The following RNF115 variants were observed in gnomAD, a reference collection of about 807,000 sequenced individuals.
The protein encoded by RNF115 is ring finger protein 115, also known as E3 ubiquitin-protein ligase RNF115.
RNF115 carries 31 observed loss-of-function variants against 39.2 expected under a neutral mutation model. That is an observed-to-expected ratio of 0.79 (90% confidence interval 0.59 to 1.07). RNF115 has a LOEUF of 1.07. Ranked by LOEUF, RNF115 falls within the 50% of genes least tolerant of loss-of-function variation. The pLI is 0.00. For missense variants in RNF115, 384 were observed against 381.7 expected (o/e 1.01, Z -0.05); for synonymous variants, 124 against 131.0 (o/e 0.95, Z 0.37).
At chr1:145,767,008 T>G (rs1182385145) in intron 4 of RNF115, among the ~76,000 whole-genome samples, 1 of 96,980 alleles carries the variant, frequency 1.0e-5, no homozygotes, top group Admixed American at 9.5e-5. Flanking sequence ...CACTTCCCAG[T>G]AGGGGTGGCC....
At chr1:145,789,504 T>G (rs1648556784) in intron 1 of RNF115, among the ~76,000 whole-genome samples, 1 of 152,004 alleles carries the variant, frequency 6.6e-6, no homozygotes, top group South Asian at 2.1e-4. Context: ...GTTCAAATGA[T>G]TCTCCTGCCT....
At chr1:145,790,376 G>T (rs1489934841) in intron 1 of RNF115, among the ~76,000 whole-genome samples, 4 of 151,656 alleles carry the variant, frequency 2.6e-5, no homozygotes, top group African/African-American at 9.7e-5. Context: ...CCGACCTCAG[G>T]TGATCCCCCT....
In RNF115 at chr1:145,753,226, T is replaced by TATGGC. The variant is rs1284029822; in HGVS notation, c.429-182_429-178dup. Among the ~76,000 whole-genome samples the TATGGC allele has an allele frequency of 4.6e-5, 7 of 152,220 alleles. No homozygotes were observed. The East Asian group carries it at 1.3e-3, about 29-fold the overall frequency. On this transcript the variant is annotated intron_variant, in intron 4 of 8. Coordinates refer to ENST00000582693, the MANE Select transcript of RNF115 (RefSeq NM_014455.4). ...ACACAGCGGTGTGCTATTTTGCTAT[T>TATGGC]ATGGCTATCTTCCTGAGCTCTGCTA...
At chr1:145,774,816 A>C (rs1432679656) in intron 3 of RNF115, among the ~76,000 whole-genome samples, 1 of 152,018 alleles carries the variant, frequency 6.6e-6, no homozygotes, top group African/African-American at 2.4e-5. Flanking sequence ...CTGACTTTCT[A>C]ATTGCCTTAG....
intron 3 of RNF115, among the ~76,000 whole-genome samples, chr1:145,780,301 A>AATGT (rs1488317484): frequency 6.6e-6 from 1 of 151,866 alleles, no homozygotes; most frequent in Non-Finnish European, 1.5e-5. Flanking sequence ...TCTGAAAGGA[A>AATGT]ATGTATGGAA....
rs1657783022 is a variant in RNF115 at position 145,744,059 on chromosome 1, C to G, written c.*2807G>C. ...TGTGTATAAAAAGGCAGACCCCTAT[C>G]CAGTACTTTGTTTCCACCCTTTTTA... On this transcript the variant is annotated 3_prime_UTR_variant, in exon 9 of 9. Coordinates refer to ENST00000582693, the MANE Select transcript of RNF115 (RefSeq NM_014455.4). 1 of 152,530 alleles carries G rather than the reference C, an allele frequency of 6.6e-6. No homozygotes were observed. Among genetic ancestry groups the G allele is most frequent in the Non-Finnish European group, 1.5e-5 (1 of 68,116 alleles). The allele number at this position is 152,530 out of a possible 1,614,324, so 9.4% of individuals were successfully genotyped here. A position where few individuals can be genotyped will look rare whatever the true frequency, so the allele number is the denominator to read the frequency against.
chr1:145,771,995 A>G (rs1292063225), intron 3 of RNF115, 76 bp from the exon 4 acceptor site: 6 of 1,176,360 alleles, frequency 5.1e-6, no homozygotes, highest in African/African-American at 1.5e-5. Context: ...AGTTTTTTAT[A>G]TTACAAATGG....
At position 145,807,397 on chromosome 1, in the gene RNF115, C is replaced by T. The variant is rs1353055575; in HGVS notation, c.102+16375G>A. ...ACTGATTGCATATTAAAATAGGATG[C>T]TAATATAATATTAAAACAACTTCTC... On this transcript the variant is annotated intron_variant, in intron 1 of 8. Coordinates refer to ENST00000582693, the MANE Select transcript of RNF115 (RefSeq NM_014455.4). Among the ~76,000 whole-genome samples the T allele has an allele frequency of 5.9e-5, 9 of 152,116 alleles. No homozygotes were observed. In the East Asian group the frequency reaches 1.2e-3, roughly 19 times the overall value.
At chr1:145,784,333 C>T (rs1170237014) in intron 3 of RNF115, among the ~76,000 whole-genome samples, 3 of 152,190 alleles carry the variant, frequency 2.0e-5, no homozygotes, top group African/African-American at 7.2e-5. Flanking sequence ...CTATTACTTT[C>T]TCCTAATCAA....
intron 5 of RNF115, among the ~76,000 whole-genome samples, chr1:145,752,115 T>C (rs782102910): frequency 1.4e-4 from 21 of 152,118 alleles, no homozygotes; most frequent in Admixed American, 5.9e-4. Flanking sequence ...TGAGGTTCCT[T>C]TGAGCAAAGA....
At chr1:145,794,307 A>G (rs981346948) in intron 1 of RNF115, among the ~76,000 whole-genome samples, 2 of 152,148 alleles carry the variant, frequency 1.3e-5, no homozygotes, top group Non-Finnish European at 2.9e-5. Context: ...ATTCTTTAAC[A>G]TGATTTACAA....
intron 1 of RNF115, among the ~76,000 whole-genome samples, chr1:145,789,888 G>C (rs1259703674): frequency 3.3e-5 from 5 of 151,024 alleles, no homozygotes; most frequent in Admixed American, 1.3e-4. Flanking sequence ...AGTAGAGACA[G>C]GGTTTCACCA....
At chr1:145,756,948 G>A (rs1350812377) in intron 4 of RNF115, among the ~76,000 whole-genome samples, 3 of 144,102 alleles carry the variant, frequency 2.1e-5, no homozygotes, top group South Asian at 2.3e-4. Flanking sequence ...CAATTCTCAC[G>A]CCTCGGCCTC....
chr1:145,797,598 T>C (rs1187502551), intron 1 of RNF115, among the ~76,000 whole-genome samples: 2 of 152,232 alleles, frequency 1.3e-5, no homozygotes, highest in Admixed American at 1.3e-4. Flanking sequence ...GAATGTGCTA[T>C]GAGCATAGGT....
At chr1:145,806,016 T>A (rs587695984) in intron 1 of RNF115, among the ~76,000 whole-genome samples, 1 of 152,244 alleles carries the variant, frequency 6.6e-6, no homozygotes, top group South Asian at 2.1e-4. Context: ...TTTGCTCTAA[T>A]CCAGAGATAG....
At chr1:145,804,502 C>T (rs1403394832) in intron 1 of RNF115, among the ~76,000 whole-genome samples, 9 of 3,362 alleles carry the variant, frequency 2.7e-3, no homozygotes, top group African/African-American at 0.013. Context: ...CATGCATGCA[C>T]ACACACACAC....
chr1:145,784,013 A>T (rs35364859), intron 3 of RNF115, among the ~76,000 whole-genome samples: 6,953 of 152,232 alleles, frequency 0.046, 202 homozygotes, highest in Middle Eastern at 0.085. Flanking sequence ...AGATATAGAA[A>T]TTATTTACAG....
chr1:145,823,845 T>G lies in RNF115; in HGVS notation c.29A>C (p.Asp10Ala). 1.3e-6 allele frequency: 2 copies of G among 1,569,996 alleles called. No homozygotes were observed. The highest frequency in any genetic ancestry group is 1.7e-6 in the Non-Finnish European group (2 of 1,162,424). The change falls in exon 1 of 9, where the codon GAC (aspartate) becomes GCC (alanine). Residue 10 changes from aspartate to alanine, a missense_variant. Transcript: ENST00000582693. The part of the protein sequence containing the change: MAEASAAGA[D>A]SGAAVAAHRF... ...GTGGGCGGCTACAGCGGCGCCCGAG[T>G]CCGCCCCGGCCGCCGAAGCCTCCGC...
intron 2 of RNF115, among the ~76,000 whole-genome samples, chr1:145,787,862 C>T (rs1287908230): frequency 1.3e-5 from 2 of 151,700 alleles, no homozygotes; most frequent in South Asian, 4.2e-4. Context: ...GCACTCCAAT[C>T]TGGCAACAGA....
Sources: allele counts gnomAD v4.1 joint callset (sites outside exome capture counted in the v4.1 genomes callset), GRCh38; gene constraint gnomAD v4.1.1; transcripts MANE v1.5; gene names NCBI Gene and HGNC (gene_info 2026-07-23, HGNC 2026-07-21).